Variants in STATH observed in about 807,000 individuals in gnomAD.
The protein encoded by STATH is statherin.
A neutral mutation model predicts 13.3 loss-of-function variants in STATH; 11 were observed. The observed-to-expected ratio is 0.83, with a 90% CI of 0.52 to 1.37. The LOEUF is 1.37. Ranked by LOEUF, STATH falls within the 40% of genes most tolerant of loss-of-function variation. The pLI is 0.00. For synonymous variants in STATH, 25 were observed against 23.6 expected, an observed-to-expected ratio of 1.06 and a Z score of -0.17; for missense variants, 78 against 73.3, an observed-to-expected ratio of 1.06 and a Z score of -0.24.
At chr4:69,997,297 A>C (rs1272600025) in intron 1 of STATH, among the ~76,000 whole-genome samples, 1 of 152,112 alleles carries the variant, frequency 6.6e-6, no homozygotes, top group Non-Finnish European at 1.5e-5. Flanking sequence ...GTAACAAAGC[A>C]AATGCCATAA....
chr4:70,001,380 G>A (rs915962322), intron 5 of STATH, among the ~76,000 whole-genome samples: 1 of 151,804 alleles, frequency 6.6e-6, no homozygotes, highest in African/African-American at 2.4e-5. Flanking sequence ...AGAAAGGTTT[G>A]TAGTTATAAC....
intron 1 of STATH, among the ~76,000 whole-genome samples, chr4:69,996,966 T>A (rs553839585): frequency 8.9e-4 from 130 of 146,236 alleles, no homozygotes; most frequent in Middle Eastern, 7.1e-3. Flanking sequence ...AGACAGAGTT[T>A]CGCTCTTGTT....
intron 2 of STATH, 45 bp from the exon 3 acceptor site, chr4:69,999,622 A>T: frequency 6.3e-7 from 1 of 1,589,024 alleles, no homozygotes; most frequent in Non-Finnish European, 8.6e-7. Flanking sequence ...ATCTGGAATT[A>T]TAACATTAAG....
chr4:70,000,565 T>C (rs1038613089), intron 4 of STATH, among the ~76,000 whole-genome samples: 3 of 151,830 alleles, frequency 2.0e-5, no homozygotes, highest in Non-Finnish European at 4.4e-5. Context: ...TGGGAGGTAG[T>C]ATTTTGAAGA....
rs1469621730 is a variant in STATH, at chr4:70,002,424, T to C, written c.*269T>C. The C allele has an allele frequency of 6.6e-6, 1 of 151,790 alleles. No homozygotes were observed. Among genetic ancestry groups the C allele is most frequent in the African/African-American group, 2.4e-5 (1 of 41,400 alleles). The allele number at this position is 151,790 out of a possible 1,614,324, so 9.4% of individuals were successfully genotyped here. A position where few individuals can be genotyped will look rare whatever the true frequency, so the allele number is the denominator to read the frequency against. On this transcript the variant is annotated 3_prime_UTR_variant, in exon 6 of 6. Transcript: ENST00000246895. ...TTCTGAATAATAGAAATCACTTCTC[T>C]AAAAGCAATAAATTTCAAGCACATT...
In STATH at chr4:70,000,902, C is replaced by T; in HGVS notation, c.142C>T (p.Leu48=). 6.2e-7 allele frequency: 1 copy of T among 1,611,890 alleles called. No individual in the cohort carries two copies. The highest frequency in any genetic ancestry group is 8.5e-7 in the Non-Finnish European group (1 of 1,178,676). The change falls in exon 5 of 6, where the codon CTA becomes TTA. Residue 48 remains leucine, a synonymous_variant. Coordinates refer to ENST00000246895, the MANE Select transcript of STATH (RefSeq NM_003154.3). ...GPYQPVPEQP[L]YPQPYQPQYQ... Reference sequence around the variant, plus strand: ...TTATCAGCCAGTTCCAGAACAACCACTATACCCACAACCATACCAACCACA... The same window carrying T: ...TTATCAGCCAGTTCCAGAACAACCATTATACCCACAACCATACCAACCACA...
chr4:69,998,123 G>A (rs544150202), intron 1 of STATH, among the ~76,000 whole-genome samples: 15 of 151,890 alleles, frequency 9.9e-5, no homozygotes, highest in East Asian at 5.8e-4. Flanking sequence ...TACTCATCCT[G>A]CATAATCCAA....
chr4:69,998,376 C>T (rs1019201787), intron 1 of STATH, 47 bp from the exon 2 acceptor site: 38 of 1,453,652 alleles, frequency 2.6e-5, no homozygotes, highest in Middle Eastern at 1.8e-4. Flanking sequence ...TTTTGATGGG[C>T]GAATGCAAGA....
chr4:69,997,283 ATAAG>A (rs913652202), intron 1 of STATH, among the ~76,000 whole-genome samples: 5 of 152,108 alleles, frequency 3.3e-5, no homozygotes, highest in Non-Finnish European at 7.4e-5. Flanking sequence ...AAATCAGTGA[ATAAG>A]TAACAAAGCA....
At position 69,997,729 on chromosome 4, in the gene STATH, C is replaced by T. The variant is rs1487321155; in HGVS notation, c.-15-694C>T. Among the ~76,000 whole-genome samples the T allele has an allele frequency of 3.9e-5, 6 of 152,142 alleles. 1 individual carries two copies. In the South Asian group the frequency reaches 6.2e-4, roughly 16 times the overall value. On this transcript the variant is annotated intron_variant, in intron 1 of 5. Transcript: ENST00000246895. ...CCAATTCAACTTCTCAGAGGAGGTA[C>T]GAATATTTTCTCTGTGACTTCTTAT...
At chr4:70,001,459 C>A (rs1052110867) in intron 5 of STATH, among the ~76,000 whole-genome samples, 1 of 151,762 alleles carries the variant, frequency 6.6e-6, no homozygotes, top group African/African-American at 2.4e-5. Flanking sequence ...AAAATGCAAT[C>A]TTTGGAGAAG....
At chr4:69,999,644 T>G (rs1724597888) in intron 2 of STATH, 23 bp from the exon 3 acceptor site, 1 of 1,606,246 alleles carries the variant, frequency 6.2e-7, no homozygotes, top group Admixed American at 1.7e-5. Flanking sequence ...TACTAACTAT[T>G]GTCTAATTTT....
Position 70,000,208 on chromosome 4 carries a change from T to C in STATH, c.102+399T>C, listed in dbSNP as rs189494346. The C allele has an allele frequency of 2.4e-3, 438 of 180,084 alleles. 1 individual carries two copies. Among genetic ancestry groups the C allele is most frequent in the Non-Finnish European group, 4.2e-3 (353 of 84,884 alleles). 11.2% of individuals were successfully genotyped at this position (180,084 alleles called of 1,614,324 possible). On this transcript the variant is annotated intron_variant, in intron 4 of 5. Coordinates refer to ENST00000246895, the MANE Select transcript of STATH (RefSeq NM_003154.3). ...TTTTGACGGTGATAAACTCATTAAA[T>C]TAAACAGGTCATGATAAATGAGATA...
chr4:69,999,955 GT>G, intron 4 of STATH, 146 bp downstream of exon 4: 1 of 884,188 alleles, frequency 1.1e-6, no homozygotes, highest in Non-Finnish European at 1.7e-6. Flanking sequence ...TGATACACAG[GT>G]AACAGTCACA....
intron 1 of STATH, among the ~76,000 whole-genome samples, chr4:69,997,738 T>G (rs1724546955): frequency 6.6e-6 from 1 of 152,148 alleles, no homozygotes; most frequent in Non-Finnish European, 1.5e-5. Flanking sequence ...ACGAATATTT[T>G]CTCTGTGACT....
At chr4:70,000,755 G>A in intron 4 of STATH, 108 bp from the exon 5 acceptor site, 2 of 774,456 alleles carry the variant, frequency 2.6e-6, no homozygotes, top group Non-Finnish European at 4.4e-6. Flanking sequence ...AATCTTATAA[G>A]TAATATGTAA....
At chr4:70,001,071 C>G in intron 5 of STATH, 89 bp downstream of exon 5, 2 of 823,354 alleles carry the variant, frequency 2.4e-6, no homozygotes, top group Non-Finnish European at 4.1e-6. Context: ...ATTAAACCAA[C>G]AGCAGTTCCA....
At position 70,000,965 on chromosome 4, in the gene STATH, C is replaced by A; in HGVS notation, c.*16C>A. On this transcript the variant is annotated 3_prime_UTR_variant, in exon 5 of 6. Transcript: ENST00000246895. The stretch of plus-strand genomic sequence containing the variant: ...TACCTTTTAATATCATCAGTAACTG[C>A]AGGACATGATTATTGAGGTAAGATG... The A allele has an allele frequency of 6.2e-7, 1 of 1,600,924 alleles. No homozygotes were observed. Among genetic ancestry groups the A allele is most frequent in the African/African-American group, 1.3e-5 (1 of 74,618 alleles).
intron 4 of STATH, 105 bp downstream of exon 4, chr4:69,999,914 T>C: frequency 7.9e-7 from 1 of 1,261,904 alleles, no homozygotes; most frequent in South Asian, 1.3e-5. Flanking sequence ...GTGTAGTAGT[T>C]GCAAAAGTGT....
Sources: allele counts gnomAD v4.1 joint callset (sites outside exome capture counted in the v4.1 genomes callset), GRCh38; gene constraint gnomAD v4.1.1; transcripts MANE v1.5; gene names NCBI Gene and HGNC (gene_info 2026-07-23, HGNC 2026-07-21).